IAPP: variants seen among roughly 807,000 people sequenced by gnomAD.
IAPP encodes the protein islet amyloid polypeptide.
A neutral mutation model predicts 2.9 loss-of-function variants in IAPP; 4 were observed. The observed-to-expected ratio is 1.39, with a 90% CI of 0.69 to 3.19. IAPP has a LOEUF of 3.19. Among genes scored for constraint, IAPP ranks in the 30% most tolerant of loss-of-function variants. The pLI is 0.01. For synonymous variants in IAPP, 40 were observed against 42.1 expected, an observed-to-expected ratio of 0.95 and a Z score of 0.19; for missense variants, 114 against 105.3, an observed-to-expected ratio of 1.08 and a Z score of -0.36.
chr12:21,363,442 A>T (rs1939099750), intron 1 of IAPP, among the ~76,000 whole-genome samples: 1 of 152,232 alleles, frequency 6.6e-6, no homozygotes, highest in Non-Finnish European at 1.5e-5. Flanking sequence ...AAGACAAAGC[A>T]GGAGAGATCT....
chr12:21,364,044 T>C (rs1939165681), intron 1 of IAPP, among the ~76,000 whole-genome samples: 1 of 152,236 alleles, frequency 6.6e-6, no homozygotes, highest in African/African-American at 2.4e-5. Context: ...CTCAGTCATT[T>C]TATGAGGCCA....
chr12:21,378,429 G>C lies in IAPP; in HGVS notation c.*3G>C, dbSNP rs1321882071. ...CACTGAATTACTTGCCCCTTTAGAG[G>C]ACAATGTAACTCTATAGTTATTGTT... On this transcript the variant is annotated 3_prime_UTR_variant, in exon 3 of 3. Transcript: ENST00000240652. 3 of 1,605,532 alleles carry C rather than the reference G, an allele frequency of 1.9e-6. No individual in the cohort carries two copies. The highest frequency in any genetic ancestry group is 2.6e-6 in the Non-Finnish European group (3 of 1,172,150).
chr12:21,377,837 A>AAGGGG (rs1202221628), intron 2 of IAPP, among the ~76,000 whole-genome samples: 2 of 152,176 alleles, frequency 1.3e-5, no homozygotes, highest in African/African-American at 2.4e-5. Flanking sequence ...ATGTAGAAAT[A>AAGGGG]ATTATTTTTA....
chr12:21,369,126 A>C (rs898659851), upstream of IAPP, among the ~76,000 whole-genome samples: 2 of 152,186 alleles, frequency 1.3e-5, no homozygotes, highest in Non-Finnish European at 2.9e-5. Flanking sequence ...AAAATGTAAA[A>C]ATTATTTTTA....
chr12:21,369,104 T>C (rs560391755), upstream of IAPP, among the ~76,000 whole-genome samples: 48 of 152,294 alleles, frequency 3.2e-4, 1 homozygote, highest in South Asian at 9.5e-3. Flanking sequence ...TTTGAACACA[T>C]ACAAATTTGA....
intron 1 of IAPP, among the ~76,000 whole-genome samples, chr12:21,362,608 T>C (rs1041382258): frequency 2.6e-5 from 4 of 151,926 alleles, no homozygotes; most frequent in Non-Finnish European, 4.4e-5. Flanking sequence ...GACTGGCAAA[T>C]TGGATAAAGA....
chr12:21,375,010 G>C (rs907082448), intron 2 of IAPP, among the ~76,000 whole-genome samples: 3 of 151,984 alleles, frequency 2.0e-5, no homozygotes, highest in Non-Finnish European at 4.4e-5. Context: ...TAGGGAAAGG[G>C]TCTCCCTATG....
intron 1 of IAPP, among the ~76,000 whole-genome samples, chr12:21,362,611 G>C (rs1013050921): frequency 9.2e-5 from 14 of 152,094 alleles, no homozygotes; most frequent in Non-Finnish European, 2.1e-4. Context: ...TGGCAAATTG[G>C]ATAAAGAGTC....
intron 2 of IAPP, 40 bp downstream of exon 2, chr12:21,373,471 A>G (rs1413753287): frequency 2.2e-6 from 3 of 1,350,616 alleles, no homozygotes; most frequent in South Asian, 2.3e-5. Context: ...TAACTTTTGT[A>G]AAGTGTGAGA....
chr12:21,373,848 T>C (rs960188128), intron 2 of IAPP: 4 of 526,548 alleles, frequency 7.6e-6, no homozygotes, highest in African/African-American at 5.8e-5. Flanking sequence ...GATTTTTGTT[T>C]TCCTCAGATG....
intron 1 of IAPP, among the ~76,000 whole-genome samples, chr12:21,363,405 G>A (rs552421590): frequency 6.6e-6 from 1 of 152,270 alleles, no homozygotes; most frequent in East Asian, 1.9e-4. Flanking sequence ...TGTATGTAGA[G>A]GGAAATTTAT....
chr12:21,362,183 T>C (rs1026632552), intron 1 of IAPP, among the ~76,000 whole-genome samples: 4 of 152,134 alleles, frequency 2.6e-5, no homozygotes, highest in African/African-American at 9.7e-5. Context: ...CCCATTAGAC[T>C]AACAGTGAGC....
intron 2 of IAPP, chr12:21,374,541 A>C: frequency 6.6e-6 from 1 of 152,226 alleles, no homozygotes; most frequent in Non-Finnish European, 1.5e-5. Flanking sequence ...TATAATAAAT[A>C]GCAAGAATCA....
chr12:21,367,609 T>C (rs1291069231), intron 1 of IAPP, among the ~76,000 whole-genome samples: 5 of 151,970 alleles, frequency 3.3e-5, no homozygotes, highest in African/African-American at 1.2e-4. Flanking sequence ...AAATGTTAAT[T>C]AGAAGAAAAA....
chr12:21,374,403 G>C (rs1455951104), intron 2 of IAPP: 1 of 152,164 alleles, frequency 6.6e-6, no homozygotes, highest in African/African-American at 2.4e-5. Flanking sequence ...GTTTACCTTT[G>C]TAAAGAGTGT....
chr12:21,367,883 C>T (rs551506559), intron 1 of IAPP, among the ~76,000 whole-genome samples: 2 of 152,022 alleles, frequency 1.3e-5, no homozygotes, highest in Non-Finnish European at 2.9e-5. Flanking sequence ...ATATATCTTG[C>T]CTTTCATTTA....
At chr12:21,365,993 A>G (rs1313533972) in intron 1 of IAPP, among the ~76,000 whole-genome samples, 1 of 152,246 alleles carries the variant, frequency 6.6e-6, no homozygotes, top group East Asian at 1.9e-4. Flanking sequence ...CAGTGGGGCA[A>G]TTCCTCAAGT....
chr12:21,355,217 A>T (rs1938270370), intron 1 of IAPP, among the ~76,000 whole-genome samples: 1 of 152,174 alleles, frequency 6.6e-6, no homozygotes, highest in Admixed American at 6.6e-5. Context: ...GATTATTACG[A>T]CCTTTATAGA....
At chr12:21,371,324 C>A (rs1939772680), upstream of IAPP, among the ~76,000 whole-genome samples, 2 of 152,122 alleles carry the variant, frequency 1.3e-5, no homozygotes. Context: ...GGAGTCTAGT[C>A]CTGCCTCCTA....
Sources: gnomAD v4.1 joint callset for allele counts (sites outside exome capture counted in the v4.1 genomes callset) on GRCh38, gnomAD v4.1.1 for gene constraint, MANE v1.5 for transcripts, NCBI Gene and HGNC (gene_info 2026-07-23, HGNC 2026-07-21) for gene names.